RGCC: variants seen among roughly 807,000 people sequenced by gnomAD.
The protein encoded by RGCC is regulator of cell cycle.
RGCC carries 15 observed loss-of-function variants against 15.4 expected under a neutral mutation model. The observed-to-expected ratio is 0.97, with a 90% CI of 0.65 to 1.50. RGCC has a LOEUF of 1.50. Among genes scored for constraint, RGCC ranks in the 40% most tolerant of loss-of-function variants. RGCC has a pLI of 0.00. For synonymous variants in RGCC, 81 were observed against 78.0 expected, an observed-to-expected ratio of 1.04 and a Z score of -0.20; for missense variants, 176 against 189.7, an observed-to-expected ratio of 0.93 and a Z score of 0.42.
At chr13:41,463,186 C>T (rs562235137) in intron 2 of RGCC, among the ~76,000 whole-genome samples, 22 of 152,276 alleles carry the variant, frequency 1.4e-4, no homozygotes, top group East Asian at 7.7e-4. Flanking sequence ...GACACCCACT[C>T]GACAGTGGCA....
chr13:41,466,265 G>GCA (rs199682174), intron 2 of RGCC, among the ~76,000 whole-genome samples: 24,918 of 148,616 alleles, frequency 0.17, 2,213 homozygotes, highest in African/African-American at 0.23. Flanking sequence ...ACACACTCAT[G>GCA]CACACACACA....
rs915451993 is a variant in RGCC, at chr13:41,457,685, G to A, written c.-23G>A. The A allele has an allele frequency of 7.4e-6, 11 of 1,492,854 alleles. No individual in the cohort carries two copies. The highest frequency in any genetic ancestry group is 1.5e-5 in the African/African-American group (1 of 68,216). The allele number at this position is 1,492,854 out of a possible 1,614,324, so 92.5% of individuals were successfully genotyped here. ...CCTCGCAGGACCCAAGGCCACGCGCGCCGGGCCCAGCTGAGCCGCCTCATG... is the reference window on the plus strand; with the variant it reads ...CCTCGCAGGACCCAAGGCCACGCGCACCGGGCCCAGCTGAGCCGCCTCATG... On this transcript the variant is annotated 5_prime_UTR_variant, in exon 1 of 5. Coordinates refer to ENST00000379359, the MANE Select transcript of RGCC (RefSeq NM_014059.3). The surrounding 1 kb of genome is among the most constrained non-coding windows in gnomAD (Gnocchi z 4.9).
At chr13:41,466,080 TCTCA>T (rs1480103259) in intron 2 of RGCC, among the ~76,000 whole-genome samples, 4 of 149,310 alleles carry the variant, frequency 2.7e-5, no homozygotes, top group South Asian at 2.1e-4. Context: ...CTCTCTCACT[TCTCA>T]CTCACACTCT....
chr13:41,469,250 A>G (rs1456937809), intron 4 of RGCC, among the ~76,000 whole-genome samples: 2 of 149,832 alleles, frequency 1.3e-5, no homozygotes, highest in African/African-American at 2.5e-5. Context: ...ACAGAGCAAG[A>G]CTCCGTCAAA....
chr13:41,467,039 AC>A, intron 3 of RGCC, 109 bp downstream of exon 3: 1 of 732,894 alleles, frequency 1.4e-6, no homozygotes, highest in Non-Finnish European at 2.4e-6. Flanking sequence ...AATGTACAAA[AC>A]AAATAGGTAA....
intron 2 of RGCC, among the ~76,000 whole-genome samples, chr13:41,465,672 G>T (rs2139576634): frequency 6.6e-6 from 1 of 152,256 alleles, no homozygotes; most frequent in South Asian, 2.1e-4. Context: ...GGAGGTATGA[G>T]AATAGAGGGA....
At chr13:41,464,595 GCTGGTTTTGTT>G (rs1182875806) in intron 2 of RGCC, among the ~76,000 whole-genome samples, 2 of 152,196 alleles carry the variant, frequency 1.3e-5, no homozygotes, top group African/African-American at 2.4e-5. Context: ...GGGAAATGGG[GCTGGTTTTGTT>G]TAACCGCAAG....
At position 41,458,797 on chromosome 13, in the gene RGCC, T is replaced by C. The variant is rs2043807266; in HGVS notation, c.235+327T>C. ...TCTTCTCCTTTCCGTGCCTCTCCCC[T>C]CTCAGCTGTAACTTTGCAGATGTGG... On this transcript the variant is annotated intron_variant, in intron 2 of 4. Transcript: ENST00000379359. This position sits in a 1 kb window ranked among gnomAD's most constrained non-coding sequence, Gnocchi z 4.4. Among the ~76,000 whole-genome samples, 1 of 151,974 alleles carries C rather than the reference T, an allele frequency of 6.6e-6. No individual in the cohort carries two copies. The highest frequency in any genetic ancestry group is 6.6e-5 in the Admixed American group (1 of 15,262).
intron 2 of RGCC, among the ~76,000 whole-genome samples, chr13:41,459,601 T>A (rs2043810875): frequency 6.6e-6 from 1 of 152,246 alleles, no homozygotes; most frequent in Admixed American, 6.5e-5. Flanking sequence ...CCAGCTTGTT[T>A]CCTTGGCAGC....
intron 2 of RGCC, among the ~76,000 whole-genome samples, chr13:41,461,701 T>G (rs529989756): frequency 6.6e-6 from 1 of 152,324 alleles, no homozygotes; most frequent in African/African-American, 2.4e-5. Context: ...CTGGCTTCTT[T>G]AGCATCAGCA....
chr13:41,458,373 C>G lies in RGCC; in HGVS notation c.138C>G (p.Phe46Leu). 6.3e-7 allele frequency: 1 copy of G among 1,597,052 alleles called. No homozygotes were observed. The highest frequency in any genetic ancestry group is 8.5e-7 in the Non-Finnish European group (1 of 1,177,344). Residue 46 changes from phenylalanine to leucine, a missense_variant, in exon 2 of 5, where the codon TTC becomes TTG. By Grantham distance (22) the Phe-to-Leu change is conservative. Coordinates refer to ENST00000379359, the MANE Select transcript of RGCC (RefSeq NM_014059.3). The surrounding 1 kb of genome is among the most constrained non-coding windows in gnomAD (Gnocchi z 4.4). ...DAVLADFASP[F>L]HERHFHYEEH... ...TGCTGGCCGACTTCGCGTCGCCCTT[C>G]CACGAGCGCCACTTCCACTACGAGG...
intron 2 of RGCC, among the ~76,000 whole-genome samples, chr13:41,460,790 C>T (rs1322404918): frequency 6.6e-6 from 1 of 152,164 alleles, no homozygotes; most frequent in Non-Finnish European, 1.5e-5. Flanking sequence ...ACATGCTGTG[C>T]TATACCATAT....
At chr13:41,459,501 T>A (rs952413135) in intron 2 of RGCC, among the ~76,000 whole-genome samples, 1 of 152,184 alleles carries the variant, frequency 6.6e-6, no homozygotes, top group Non-Finnish European at 1.5e-5. Flanking sequence ...GGGCTAAGAT[T>A]CGGGGCTAGA....
At position 41,467,891 on chromosome 13, in the gene RGCC, G is replaced by C. The variant is rs532979152; in HGVS notation, c.344-885G>C. Among the ~76,000 whole-genome samples, 4 of 152,188 alleles carry C rather than the reference G, an allele frequency of 2.6e-5. No individual in the cohort carries two copies. In the East Asian group the frequency reaches 5.8e-4, roughly 22 times the overall value. On this transcript the variant is annotated intron_variant, in intron 3 of 4. Transcript: ENST00000379359. The stretch of plus-strand genomic sequence containing the variant: ...ATCCTCAAGAGGTAGGAATTAAAGA[G>C]GGAAAAAAAGCCCCTAGTGGCAAAT...
chr13:41,457,968 C>T lies in RGCC; in HGVS notation c.49+212C>T, dbSNP rs1004133195. 9.2e-5 allele frequency among the ~76,000 whole-genome samples: 14 copies of T among 151,880 alleles called. 1 individual carries two copies. The South Asian group carries it at 1.9e-3, about 20-fold the overall frequency. On this transcript the variant is annotated intron_variant, in intron 1 of 4. Coordinates refer to ENST00000379359, the MANE Select transcript of RGCC (RefSeq NM_014059.3). This position sits in a 1 kb window ranked among gnomAD's most constrained non-coding sequence, Gnocchi z 4.9. ...CCTTCCCTCCACCACCAGCTCCGCG[C>T]GCGCCCGGGGTTGGGGGGAGCGGCG...
chr13:41,469,270 A>G (rs9532831), intron 4 of RGCC, among the ~76,000 whole-genome samples: 6,497 of 92,672 alleles, frequency 0.07, 173 homozygotes, highest in South Asian at 0.1. Flanking sequence ...AATAGTAATA[A>G]TAATAATAAT....
At chr13:41,464,080 C>G (rs2043836130) in intron 2 of RGCC, 1 of 152,734 alleles carries the variant, frequency 6.5e-6, no homozygotes, top group South Asian at 2.1e-4. Flanking sequence ...GAAAGTTGCT[C>G]TCCCAGGCCA....
In RGCC at chr13:41,468,854, A is replaced by G. The variant is rs776723328; in HGVS notation, c.406+16A>G. On this transcript the variant is annotated intron_variant, in intron 4 of 4. Transcript: ENST00000379359. ...ACTTTAGCAAGTAAGTACATGTCTG[A>G]TATTAAAAACAAAAAAACAAAAAAC... is the stretch of plus-strand genomic sequence containing the variant. 1.6e-5 allele frequency: 26 copies of G among 1,576,996 alleles called. No homozygotes were observed. The highest frequency in any genetic ancestry group is 1.8e-5 in the Non-Finnish European group (21 of 1,159,662).
At chr13:41,467,309 T>A (rs933145236) in intron 3 of RGCC, among the ~76,000 whole-genome samples, 4 of 152,248 alleles carry the variant, frequency 2.6e-5, no homozygotes, top group African/African-American at 9.6e-5. Flanking sequence ...GATAGTGGGA[T>A]TCTTTTTATT....
Sources: allele counts gnomAD v4.1 joint callset (sites outside exome capture counted in the v4.1 genomes callset), GRCh38; gene constraint gnomAD v4.1.1; non-coding constraint Gnocchi (gnomAD v3.1); transcripts MANE v1.5; gene names NCBI Gene and HGNC (gene_info 2026-07-23, HGNC 2026-07-21).